The following NAALADL2 variants were observed in gnomAD, a reference collection of about 807,000 sequenced individuals.
NAALADL2 encodes the protein N-acetylated alpha-linked acidic dipeptidase like 2.
NAALADL2 carries 76 observed loss-of-function variants against 87.2 expected under a neutral mutation model. That is an observed-to-expected ratio of 0.87 (90% CI 0.72 to 1.05). The LOEUF is 1.05. NAALADL2 is among the 50% of genes least tolerant of loss of function. NAALADL2 has a pLI of 0.00. For synonymous variants in NAALADL2, 354 were observed against 331.0 expected (o/e 1.07, Z -0.75); for missense variants, 1,089 against 945.8 (o/e 1.15, Z -1.99).
intron 10 of NAALADL2, among the ~76,000 whole-genome samples, chr3:175,592,560 T>TA (rs1364538410): frequency 2.6e-5 from 4 of 152,126 alleles, no homozygotes; most frequent in African/African-American, 4.8e-5. Context: ...TATGCAGCCA[T>TA]AAAAAATGAT....
chr3:175,195,744 A>C (rs1202684201), intron 2 of NAALADL2, among the ~76,000 whole-genome samples: 1 of 151,972 alleles, frequency 6.6e-6, no homozygotes, highest in Non-Finnish European at 1.5e-5. Flanking sequence ...TTATTGTTCC[A>C]TGTTGAATTT....
chr3:174,482,161 G>A (rs189639996), intron 1 of NAALADL2, among the ~76,000 whole-genome samples: 67 of 152,146 alleles, frequency 4.4e-4, no homozygotes, highest in Middle Eastern at 3.4e-3. Flanking sequence ...AGATGGCATT[G>A]CTGCTGTTAC....
chr3:174,922,910 A>G (rs576362042), intron 1 of NAALADL2, among the ~76,000 whole-genome samples: 3 of 152,312 alleles, frequency 2.0e-5, no homozygotes, highest in Admixed American at 6.5e-5. Context: ...TAACCTGATC[A>G]CTTGGTGAAG....
At chr3:175,308,199 G>A (rs542147229) in intron 4 of NAALADL2, among the ~76,000 whole-genome samples, 19 of 152,260 alleles carry the variant, frequency 1.2e-4, no homozygotes, top group South Asian at 4.1e-4. Flanking sequence ...GCTGTGAACC[G>A]TAAGATCAGT....
chr3:174,651,259 G>A (rs1428512834), intron 2 of NAALADL2, among the ~76,000 whole-genome samples: 4 of 152,142 alleles, frequency 2.6e-5, no homozygotes, highest in African/African-American at 7.2e-5. Flanking sequence ...CACAATTGCT[G>A]CTTAATGCCT....
chr3:175,037,103 A>G (rs574870678), intron 1 of NAALADL2, among the ~76,000 whole-genome samples: 2 of 152,134 alleles, frequency 1.3e-5, no homozygotes, highest in African/African-American at 4.8e-5. Context: ...AGGCTAAAAG[A>G]TTCTGCCAGT....
intron 12 of NAALADL2, among the ~76,000 whole-genome samples, chr3:175,739,446 G>T (rs1287909516): frequency 1.3e-5 from 2 of 151,992 alleles, no homozygotes; most frequent in Non-Finnish European, 2.9e-5. Flanking sequence ...ATTAACATAG[G>T]CTAATACTGA....
At chr3:175,034,372 A>G (rs1192361763) in intron 1 of NAALADL2, among the ~76,000 whole-genome samples, 4 of 152,174 alleles carry the variant, frequency 2.6e-5, no homozygotes, top group Non-Finnish European at 5.9e-5. Context: ...GTTTGTGCTC[A>G]AGTTGAAATA....
chr3:175,366,250 G>C (rs1162389511), intron 5 of NAALADL2, among the ~76,000 whole-genome samples: 2 of 149,930 alleles, frequency 1.3e-5, no homozygotes, highest in African/African-American at 2.5e-5. Flanking sequence ...TCTTAATCCA[G>C]TCTATCATTG....
intron 11 of NAALADL2, among the ~76,000 whole-genome samples, chr3:175,724,533 T>C (rs1742678302): frequency 6.6e-6 from 1 of 152,154 alleles, no homozygotes; most frequent in African/African-American, 2.4e-5. Flanking sequence ...TCTCACTTTG[T>C]AGGATGCAAT....
intron 1 of NAALADL2, among the ~76,000 whole-genome samples, chr3:174,538,586 C>T (rs908561017): frequency 6.6e-6 from 1 of 152,116 alleles, no homozygotes; most frequent in Non-Finnish European, 1.5e-5. Flanking sequence ...TTCTAGGTGT[C>T]TTTCCTGAAC....
chr3:174,980,731 A>G (rs1745000444), intron 1 of NAALADL2, among the ~76,000 whole-genome samples: 1 of 152,180 alleles, frequency 6.6e-6, no homozygotes, highest in Non-Finnish European at 1.5e-5. Context: ...ACATAGGGCT[A>G]ACAAATATAT....
chr3:174,885,552 C>A (rs1729987671), intron 1 of NAALADL2, among the ~76,000 whole-genome samples: 1 of 152,100 alleles, frequency 6.6e-6, no homozygotes, highest in Non-Finnish European at 1.5e-5. Context: ...GTGTAATTCT[C>A]TAAACAGTTT....
At chr3:174,608,254 G>C (rs543314044) in intron 2 of NAALADL2, among the ~76,000 whole-genome samples, 2 of 152,224 alleles carry the variant, frequency 1.3e-5, no homozygotes, top group Admixed American at 6.5e-5. Flanking sequence ...ACAATTAAAA[G>C]AACTAGAAAA....
At chr3:175,041,119 C>T (rs1290606687) in intron 1 of NAALADL2, among the ~76,000 whole-genome samples, 1 of 152,084 alleles carries the variant, frequency 6.6e-6, no homozygotes, top group Non-Finnish European at 1.5e-5. Flanking sequence ...ACTTTTCAGT[C>T]TGAAAAGTCA....
chr3:174,537,785 TG>T (rs1303399245), intron 1 of NAALADL2, among the ~76,000 whole-genome samples: 6 of 152,184 alleles, frequency 3.9e-5, no homozygotes, highest in Non-Finnish European at 8.8e-5. Flanking sequence ...GATATAATCA[TG>T]TACAGTGGCA....
chr3:174,816,109 G>T (rs950302881), intron 3 of NAALADL2, among the ~76,000 whole-genome samples: 1 of 151,838 alleles, frequency 6.6e-6, no homozygotes. Flanking sequence ...ATGTCCATAG[G>T]TTATGATTAT....
chr3:175,631,754 T>A (rs1727795438), intron 11 of NAALADL2, among the ~76,000 whole-genome samples: 1 of 152,018 alleles, frequency 6.6e-6, no homozygotes, highest in South Asian at 2.1e-4. Flanking sequence ...TCCTAGGTGC[T>A]TAATCCTTTA....
intron 1 of NAALADL2, among the ~76,000 whole-genome samples, chr3:174,904,453 A>C (rs1465400700): frequency 6.6e-6 from 1 of 151,918 alleles, no homozygotes; most frequent in Non-Finnish European, 1.5e-5. Context: ...TGAAGCAAGT[A>C]AACACCAAAA....
Sources: gnomAD v4.1 joint callset for allele counts (sites outside exome capture counted in the v4.1 genomes callset) on GRCh38, gnomAD v4.1.1 for gene constraint, MANE v1.5 for transcripts, NCBI Gene and HGNC (gene_info 2026-07-23, HGNC 2026-07-21) for gene names.